Variants in PTPRD observed in about 807,000 individuals in gnomAD.
PTPRD encodes the protein protein tyrosine phosphatase receptor type D.
In PTPRD, 34 loss-of-function variants were observed where a neutral mutation model predicts 214.5. That is an observed-to-expected ratio of 0.16 (90% CI 0.12 to 0.21). The LOEUF (loss-of-function observed/expected upper bound fraction) is 0.21, where lower values mean the gene tolerates loss of function less well. Among genes scored for constraint, PTPRD ranks in the 10% least tolerant of loss-of-function variants. The pLI is 1.00. For synonymous variants in PTPRD, 1,128 were observed against 845.7 expected (o/e 1.33, Z -5.79); for missense variants, 2,545 against 2,398.7 (o/e 1.06, Z -1.27).
intron 9 of PTPRD, among the ~76,000 whole-genome samples, chr9:9,192,542 AT>A (rs1167935651): frequency 3.9e-5 from 6 of 152,094 alleles, no homozygotes; most frequent in Non-Finnish European, 8.8e-5. Flanking sequence ...ACAATTCATA[AT>A]TTCCCTTTAT....
At chr9:8,914,061 C>T (rs933251264) in intron 11 of PTPRD, among the ~76,000 whole-genome samples, 1 of 151,996 alleles carries the variant, frequency 6.6e-6, no homozygotes, top group Non-Finnish European at 1.5e-5. Flanking sequence ...CTAATGAATA[C>T]GTACTAAAAT....
chr9:10,052,470 A>C (rs1395545647), intron 3 of PTPRD, among the ~76,000 whole-genome samples: 1 of 152,168 alleles, frequency 6.6e-6, no homozygotes, highest in Non-Finnish European at 1.5e-5. Context: ...CCTGCCTTTA[A>C]GGTAAAATCA....
intron 3 of PTPRD, among the ~76,000 whole-genome samples, chr9:10,278,806 G>A (rs529974511): frequency 2.6e-5 from 4 of 151,400 alleles, no homozygotes; most frequent in Admixed American, 6.6e-5. Context: ...ATGGAGTCTC[G>A]CTCTGTTGCC....
chr9:9,309,693 A>G (rs1958291926), intron 9 of PTPRD, among the ~76,000 whole-genome samples: 1 of 152,196 alleles, frequency 6.6e-6, no homozygotes, highest in Admixed American at 6.5e-5. Flanking sequence ...AAATTTTTGC[A>G]GAGAATATTT....
At chr9:9,285,898 A>C (rs1435157689) in intron 9 of PTPRD, among the ~76,000 whole-genome samples, 3 of 151,800 alleles carry the variant, frequency 2.0e-5, no homozygotes, top group Non-Finnish European at 4.4e-5. Context: ...ATATCTATAT[A>C]TCTGTAAATT....
At chr9:9,018,463 C>T (rs1250467910) in intron 11 of PTPRD, among the ~76,000 whole-genome samples, 1 of 152,116 alleles carries the variant, frequency 6.6e-6, no homozygotes, top group Non-Finnish European at 1.5e-5. Context: ...CATCTATATA[C>T]ATAAAGACAT....
rs184229858 is a variant in PTPRD at position 10,010,593 on chromosome 9, G to A, written c.-472+23125C>T. On this transcript the variant is annotated intron_variant, in intron 4 of 45. Transcript: ENST00000381196. Reference sequence around the variant, plus strand: ...GTGGCCATGCACAGCACTCAGGCAAGTTGTATACTCAACTCAGTTAATGGT... The same window carrying A: ...GTGGCCATGCACAGCACTCAGGCAAATTGTATACTCAACTCAGTTAATGGT... Among the ~76,000 whole-genome samples, 21 of 151,908 alleles carry A rather than the reference G, an allele frequency of 1.4e-4. 1 individual carries two copies. The highest frequency in any genetic ancestry group is 4.6e-4 in the African/African-American group (19 of 41,490).
chr9:9,071,145 T>G (rs2099743118), intron 10 of PTPRD, among the ~76,000 whole-genome samples: 1 of 152,118 alleles, frequency 6.6e-6, no homozygotes, highest in African/African-American at 2.4e-5. Flanking sequence ...AAATACCCAG[T>G]AAAACACATT....
At chr9:9,385,892 G>C (rs1236868295) in intron 9 of PTPRD, among the ~76,000 whole-genome samples, 1 of 152,138 alleles carries the variant, frequency 6.6e-6, no homozygotes, top group African/African-American at 2.4e-5. Context: ...TATGACTCCA[G>C]TCTTATGTTC....
intron 2 of PTPRD, among the ~76,000 whole-genome samples, chr9:10,565,582 T>C (rs1205419120): frequency 6.6e-6 from 1 of 152,072 alleles, no homozygotes. Flanking sequence ...TACGGAACTG[T>C]ATAAATTTTT....
intron 9 of PTPRD, among the ~76,000 whole-genome samples, chr9:9,206,708 C>T (rs971899639): frequency 2.6e-5 from 4 of 152,182 alleles, no homozygotes; most frequent in Admixed American, 6.5e-5. Flanking sequence ...TGGCCTTGAA[C>T]ATCAGACTCC....
At chr9:10,067,160 C>T (rs1414517104) in intron 3 of PTPRD, among the ~76,000 whole-genome samples, 2 of 151,778 alleles carry the variant, frequency 1.3e-5, no homozygotes, top group African/African-American at 2.4e-5. Context: ...TCATATAAAA[C>T]AAAATAATCA....
In PTPRD at chr9:10,467,457, C is replaced by G. The variant is rs150677473; in HGVS notation, c.-599-126440G>C. Among the ~76,000 whole-genome samples, 897 of 152,238 alleles carry G rather than the reference C, an allele frequency of 5.9e-3. 16 individuals carry two copies. Among genetic ancestry groups the G allele is most frequent in the African/African-American group, 0.02 (837 of 41,538 alleles). On this transcript the variant is annotated intron_variant, in intron 2 of 45. Coordinates refer to ENST00000381196, the MANE Select transcript of PTPRD (RefSeq NM_002839.4). ...AGTCTTACTACACATGCACTGCACC[C>G]TCCCCATATTACTAAAACTCAAAAT...
intron 11 of PTPRD, among the ~76,000 whole-genome samples, chr9:8,870,554 G>A (rs529225019): frequency 2.0e-5 from 3 of 152,164 alleles, no homozygotes; most frequent in South Asian, 2.1e-4. Context: ...TAATGCCCTC[G>A]TGTGTAACAA....
intron 9 of PTPRD, among the ~76,000 whole-genome samples, chr9:9,267,976 G>C (rs899770103): frequency 6.6e-6 from 1 of 151,008 alleles, no homozygotes; most frequent in Non-Finnish European, 1.5e-5. Flanking sequence ...ACAAGACAAG[G>C]ATGTCCACTC....
intron 11 of PTPRD, among the ~76,000 whole-genome samples, chr9:8,898,520 A>T (rs922891407): frequency 6.6e-6 from 1 of 152,222 alleles, no homozygotes; most frequent in African/African-American, 2.4e-5. Context: ...CAAAATAATA[A>T]TGAGTTAATA....
chr9:10,087,509 C>T (rs1018141104), intron 3 of PTPRD, among the ~76,000 whole-genome samples: 1 of 151,632 alleles, frequency 6.6e-6, no homozygotes, highest in African/African-American at 2.4e-5. Context: ...CTACAGCCTC[C>T]TATCAAACCC....
At chr9:9,375,091 G>A (rs2060438247) in intron 9 of PTPRD, among the ~76,000 whole-genome samples, 1 of 152,076 alleles carries the variant, frequency 6.6e-6, no homozygotes, top group Admixed American at 6.6e-5. Context: ...ATGTGTATGT[G>A]CGTGTGTGTG....
At chr9:8,790,472 C>A (rs867828449) in intron 11 of PTPRD, among the ~76,000 whole-genome samples, 2 of 151,972 alleles carry the variant, frequency 1.3e-5, no homozygotes, top group African/African-American at 2.4e-5. Context: ...GGCTGTAGTG[C>A]AGTGGTGCGA....
Sources: gnomAD v4.1 joint callset for allele counts (sites outside exome capture counted in the v4.1 genomes callset) on GRCh38, gnomAD v4.1.1 for gene constraint, MANE v1.5 for transcripts, NCBI Gene and HGNC (gene_info 2026-07-23, HGNC 2026-07-21) for gene names.